TTC3: variants seen among roughly 807,000 people sequenced by gnomAD.
TTC3 encodes the protein tetratricopeptide repeat domain 3.
In TTC3, 180 loss-of-function variants were observed where a neutral mutation model predicts 249.6. The ratio of observed to expected loss-of-function variants is 0.72; its 90% CI spans 0.64 to 0.82. TTC3 has a LOEUF of 0.82. TTC3 is among the 40% of genes least tolerant of loss of function. The pLI, the probability that TTC3 is intolerant of heterozygous loss-of-function variation, is 0.00. For synonymous variants in TTC3, 717 were observed against 805.0 expected, an observed-to-expected ratio of 0.89 and a Z score of 1.85; for missense variants, 2,061 against 2,398.4, an observed-to-expected ratio of 0.86 and a Z score of 2.94.
At chr21:37,175,320 G>T (rs1205796319) in intron 35 of TTC3, among the ~76,000 whole-genome samples, 1 of 149,774 alleles carries the variant, frequency 6.7e-6, no homozygotes, top group African/African-American at 2.5e-5. Flanking sequence ...GGGCACGGTG[G>T]CTTACACCTG....
exon 46 of TTC3, chr21:37,202,280 T>A (rs1365894630): frequency 6.6e-6 from 1 of 152,284 alleles, no homozygotes; most frequent in Non-Finnish European, 1.5e-5. Flanking sequence ...CACTTTTTAA[T>A]TAGTATCGAC....
At position 37,147,485 on chromosome 21, in the gene TTC3, T is replaced by C. The variant is rs538873576; in HGVS notation, c.1898T>C (p.Leu633Pro). 3.1e-6 allele frequency: 5 copies of C among 1,605,216 alleles called. No homozygotes were observed. The Admixed American group carries it at 8.6e-5, about 28-fold the overall frequency. The change falls in exon 22 of 46, where the codon CTG becomes CCG. Residue 633 changes from leucine to proline, a missense_variant. Physicochemically the swap from Leu to Pro is moderately conservative, Grantham distance 98 (BLOSUM62 -3). This residue lies in a region of TTC3 where 989 missense variants were observed against 1,145.1 expected (regional missense o/e 0.86). Transcript: ENST00000355666. ...TTTTTGTTTATTTTGTTTTAGATGCTGTTAGAGAAATTTGTTGAAGAATGC... is the reference window on the plus strand; with the variant it reads ...TTTTTGTTTATTTTGTTTTAGATGCCGTTAGAGAAATTTGTTGAAGAATGC...
chr21:37,162,673 C>T (rs556982706), intron 31 of TTC3, among the ~76,000 whole-genome samples: 468 of 1,444 alleles, frequency 0.32, 1 homozygote, highest in Middle Eastern at 0.5. Flanking sequence ...ATTACGTGGT[C>T]ATTTCATGGA....
chr21:37,142,164 G>A (rs183214680), intron 20 of TTC3, among the ~76,000 whole-genome samples: 1 of 152,230 alleles, frequency 6.6e-6, no homozygotes, highest in East Asian at 1.9e-4. Context: ...GACGAAAACT[G>A]GAAGCATTTC....
chr21:37,158,311 C>A (rs1260075075), intron 28 of TTC3: 3 of 631,686 alleles, frequency 4.7e-6, no homozygotes, highest in African/African-American at 4.0e-5. Context: ...TACACTCGTC[C>A]TTTAACTTGT....
chr21:37,095,497 A>T, intron 9 of TTC3, 53 bp downstream of exon 9: 1 of 1,170,124 alleles, frequency 8.5e-7, no homozygotes, highest in Non-Finnish European at 1.2e-6. Context: ...ATCAAGTTAG[A>T]ATGGTAGTCA....
exon 46 of TTC3, chr21:37,201,799 CAT>C: frequency 1.7e-6 from 1 of 600,096 alleles, no homozygotes; most frequent in African/African-American, 1.9e-5. Flanking sequence ...CTACCACACT[CAT>C]GGGTCACTGG....
At chr21:37,200,945 G>A (rs55778373) in intron 45 of TTC3, among the ~76,000 whole-genome samples, 10,798 of 152,294 alleles carry the variant, frequency 0.071, 540 homozygotes, top group Non-Finnish European at 0.11. Context: ...CTGGTGTGGT[G>A]TGCCTCCTTG....
At chr21:37,095,413 A>G (rs749896752) in exon 9 of TTC3, 7 of 1,606,720 alleles carry the variant, frequency 4.4e-6, no homozygotes, top group Admixed American at 1.7e-5. Flanking sequence ...TGATATAGCT[A>G]TTATCTATTA....
rs767654015 is a variant in TTC3, at chr21:37,197,933, G to A, written c.5758G>A (p.Val1920Met). ...TTATGAGCCCAGCTCTGCCACCCCC[G>A]TGACCAGGTCCTCCCAGGGCTCACC... Residue 1920 changes from valine (V) to methionine (M), a missense_variant, in exon 44 of 46, where the codon GTG becomes ATG. Transcript: ENST00000355666. 52 of 1,613,718 alleles carry A rather than the reference G, an allele frequency of 3.2e-5. No homozygotes were observed. Among genetic ancestry groups the A allele is most frequent in the Admixed American group, 1.3e-4 (8 of 59,968 alleles).
chr21:37,113,459 C>T (rs544513915), intron 11 of TTC3, among the ~76,000 whole-genome samples: 3 of 152,212 alleles, frequency 2.0e-5, no homozygotes, highest in Admixed American at 6.5e-5. Context: ...AATAAAATAC[C>T]TAGGAATCCA....
chr21:37,188,615 G>A lies in TTC3; in HGVS notation c.5024+20G>A. ...TAGCCGGTATTGCAGTTTCGTGGGT[G>A]TTCTCAGCACGTCATTTAGAAGATA... is the stretch of plus-strand genomic sequence containing the variant. On this transcript the variant is annotated intron_variant, in intron 39 of 45. Coordinates refer to ENST00000355666, the Ensembl canonical transcript of TTC3. The A allele has an allele frequency of 1.9e-6, 3 of 1,592,682 alleles. No individual in the cohort carries two copies. Among genetic ancestry groups the A allele is most frequent in the Non-Finnish European group, 2.6e-6 (3 of 1,160,776 alleles).
chr21:37,202,948 G>A (rs1432102470), exon 46 of TTC3: 2 of 152,122 alleles, frequency 1.3e-5, no homozygotes, highest in Non-Finnish European at 2.9e-5. Context: ...GAGCGCTATG[G>A]GTGTTAACGT....
chr21:37,197,624 C>G (rs754914844), exon 43 of TTC3: 10 of 1,611,988 alleles, frequency 6.2e-6, no homozygotes, highest in African/African-American at 1.3e-5. Flanking sequence ...AGAACTCACT[C>G]TCAGGATTGA....
At chr21:37,075,808 G>A (rs1325542549) in intron 1 of TTC3, among the ~76,000 whole-genome samples, 1 of 152,208 alleles carries the variant, frequency 6.6e-6, no homozygotes, top group Non-Finnish European at 1.5e-5. Flanking sequence ...TTGATGTATA[G>A]ATAGAATTTC....
exon 40 of TTC3, chr21:37,191,353 G>A: frequency 6.3e-7 from 1 of 1,585,562 alleles, no homozygotes; most frequent in Non-Finnish European, 8.5e-7. Context: ...AGCATATCCT[G>A]ACATGGAGTC....
chr21:37,082,259 A>C (rs576571432), intron 1 of TTC3: 18 of 152,558 alleles, frequency 1.2e-4, no homozygotes, highest in Admixed American at 1.2e-3. Flanking sequence ...TTGTGACTCT[A>C]TAGCTATTCT....
chr21:37,193,198 C>A (rs1290500436), intron 41 of TTC3, among the ~76,000 whole-genome samples: 2 of 147,886 alleles, frequency 1.4e-5, no homozygotes, highest in African/African-American at 2.5e-5. Flanking sequence ...GGAGCACTGT[C>A]CCCGCTCTGC....
intron 34 of TTC3, among the ~76,000 whole-genome samples, chr21:37,170,410 TTCAC>T (rs1206646387): frequency 6.6e-6 from 1 of 152,166 alleles, no homozygotes; most frequent in Non-Finnish European, 1.5e-5. Flanking sequence ...AAAGCAATCA[TTCAC>T]ATTTTGAAAG....
Sources: gnomAD v4.1 joint callset for allele counts (sites outside exome capture counted in the v4.1 genomes callset) on GRCh38, gnomAD v4.1.1 for gene constraint, gnomAD v4.1.1 regional missense constraint, MANE v1.5 for transcripts, NCBI Gene and HGNC (gene_info 2026-07-23, HGNC 2026-07-21) for gene names.